The following MECOM variants were observed in gnomAD, a reference collection of about 807,000 sequenced individuals.
The protein encoded by MECOM is MDS1 and EVI1 complex locus.
Under a neutral mutation model 116.3 loss-of-function variants are expected in MECOM, and 13 were observed. The observed-to-expected ratio is 0.11, with a 90% CI of 0.07 to 0.18. MECOM has a LOEUF of 0.18. Among genes scored for constraint, MECOM ranks in the 10% least tolerant of loss-of-function variants. The pLI, the probability that MECOM is intolerant of heterozygous loss-of-function variation, is 1.00. For missense variants in MECOM, 1,299 were observed against 1,509.0 expected, an observed-to-expected ratio of 0.86 and a Z score of 2.31; for synonymous variants, 528 against 535.2, an observed-to-expected ratio of 0.99 and a Z score of 0.19.
chr3:169,497,950 T>C (rs1362054740), intron 1 of MECOM, among the ~76,000 whole-genome samples: 2 of 152,198 alleles, frequency 1.3e-5, no homozygotes, highest in Non-Finnish European at 2.9e-5. Flanking sequence ...AATGTGTGAA[T>C]CACATTGATA....
chr3:169,112,992 C>T (rs1192752511), intron 8 of MECOM, 118 bp from the exon 9 acceptor site: 5 of 680,806 alleles, frequency 7.3e-6, no homozygotes, highest in Non-Finnish European at 1.2e-5. Flanking sequence ...GGGAAGCGCA[C>T]TCATAAAACT....
intron 9 of MECOM, among the ~76,000 whole-genome samples, chr3:169,109,351 T>G (rs1726530157): frequency 6.6e-6 from 1 of 152,018 alleles, no homozygotes; most frequent in African/African-American, 2.4e-5. Flanking sequence ...CTTCAAGAAT[T>G]GAACTAAGAG....
Position 169,171,299 on chromosome 3 carries a change from A to G in MECOM, c.376-27467T>C, listed in dbSNP as rs554408738. Among the ~76,000 whole-genome samples, 7 of 152,294 alleles carry G rather than the reference A, an allele frequency of 4.6e-5. No homozygotes were observed. In the South Asian group the frequency reaches 8.3e-4, roughly 18 times the overall value. ...TGCTTTGGTTCTCATGAATAAACCT[A>G]TTAATAAGAACCAGTAACTCAAGGT... On this transcript the variant is annotated intron_variant, in intron 2 of 16. Transcript: ENST00000651503.
At chr3:169,441,249 C>T (rs943872671) in intron 1 of MECOM, among the ~76,000 whole-genome samples, 4 of 152,048 alleles carry the variant, frequency 2.6e-5, no homozygotes, top group Admixed American at 1.3e-4. Flanking sequence ...TCTAAAGCAG[C>T]GCAACCAAGA....
chr3:169,472,504 AAAGG>A (rs1560317519), intron 1 of MECOM, among the ~76,000 whole-genome samples: 6 of 90,352 alleles, frequency 6.6e-5, no homozygotes, highest in African/African-American at 2.0e-4. Context: ...AAAGGAAAGG[AAAGG>A]AAAGGAAAGG....
intron 1 of MECOM, among the ~76,000 whole-genome samples, chr3:169,514,394 G>A (rs1578314383): frequency 6.6e-6 from 1 of 152,164 alleles, no homozygotes; most frequent in East Asian, 1.9e-4. Flanking sequence ...ATGGTTGGGG[G>A]ACAGAGGGAG....
chr3:169,638,061 G>A (rs1426869094), intron 1 of MECOM, among the ~76,000 whole-genome samples: 1 of 152,130 alleles, frequency 6.6e-6, no homozygotes, highest in African/African-American at 2.4e-5. Flanking sequence ...ACACCTGAAG[G>A]ATGAAAAAAG....
chr3:169,288,715 T>G (rs1713873690), intron 2 of MECOM, among the ~76,000 whole-genome samples: 1 of 152,194 alleles, frequency 6.6e-6, no homozygotes, highest in African/African-American at 2.4e-5. Context: ...CCAAGTGCCC[T>G]TCCAGTAGTC....
intron 2 of MECOM, among the ~76,000 whole-genome samples, chr3:169,292,712 A>T (rs755630007): frequency 1.3e-5 from 2 of 152,202 alleles, no homozygotes; most frequent in Non-Finnish European, 2.9e-5. Flanking sequence ...TGGTGGTACC[A>T]TCTCTACCCA....
At chr3:169,476,020 C>T (rs1479275865) in intron 1 of MECOM, among the ~76,000 whole-genome samples, 1 of 152,086 alleles carries the variant, frequency 6.6e-6, no homozygotes, top group Non-Finnish European at 1.5e-5. Context: ...GCTTTGTTCT[C>T]CCTAATCTAA....
chr3:169,360,191 A>G (rs1412633487), intron 2 of MECOM, among the ~76,000 whole-genome samples: 1 of 150,914 alleles, frequency 6.6e-6, no homozygotes, highest in Non-Finnish European at 1.5e-5. Flanking sequence ...CATTTCCAGT[A>G]GCATATATTT....
intron 12 of MECOM, among the ~76,000 whole-genome samples, chr3:169,097,996 C>T (rs1270130807): frequency 6.6e-6 from 1 of 151,972 alleles, no homozygotes; most frequent in Non-Finnish European, 1.5e-5. Flanking sequence ...AGGAAGCAGA[C>T]AATTCATGTA....
chr3:169,138,665 G>A (rs188922170), intron 3 of MECOM, among the ~76,000 whole-genome samples: 5 of 152,072 alleles, frequency 3.3e-5, no homozygotes, highest in African/African-American at 9.6e-5. Context: ...CAAAAGAAGT[G>A]GTACAAAATG....
chr3:169,273,289 A>G (rs1434543206), intron 2 of MECOM, among the ~76,000 whole-genome samples: 1 of 152,184 alleles, frequency 6.6e-6, no homozygotes, highest in Non-Finnish European at 1.5e-5. Context: ...CATACTCAAA[A>G]TCACAGAGAT....
Position 169,107,967 on chromosome 3 carries a change from G to GAAAAA in MECOM, c.2578-16_2578-15insTTTTT. The GAAAAA allele has an allele frequency of 6.2e-7, 1 of 1,611,240 alleles. No individual in the cohort carries two copies. The highest frequency in any genetic ancestry group is 8.5e-7 in the Non-Finnish European group (1 of 1,178,338). The stretch of plus-strand genomic sequence containing the variant: ...GGCAGTTGGAACTGGGAGCAAAATT[G>GAAAAA]AAACAAAAACAAAAAATTACTTCTG... On this transcript the variant is annotated splice_polypyrimidine_tract_variant and intron_variant, in intron 9 of 16. Transcript: ENST00000651503.
intron 2 of MECOM, among the ~76,000 whole-genome samples, chr3:169,329,147 CT>C (rs1156559570): frequency 1.3e-5 from 2 of 152,070 alleles, no homozygotes; most frequent in African/African-American, 4.8e-5. Context: ...ACACATTTCT[CT>C]TTTTTAGCCT....
intron 2 of MECOM, among the ~76,000 whole-genome samples, chr3:169,378,324 CA>C (rs1731411827): frequency 7.7e-6 from 1 of 129,148 alleles, no homozygotes; most frequent in African/African-American, 2.9e-5. Context: ...AGTATAAGAC[CA>C]AAAAAGAAAG....
At chr3:169,323,131 G>A (rs1429389482) in intron 2 of MECOM, among the ~76,000 whole-genome samples, 1 of 150,618 alleles carries the variant, frequency 6.6e-6, no homozygotes, top group Non-Finnish European at 1.5e-5. Flanking sequence ...TTAGACCTTA[G>A]ACATGCAGAG....
chr3:169,195,139 G>A (rs1324437890), intron 2 of MECOM, among the ~76,000 whole-genome samples: 1 of 152,030 alleles, frequency 6.6e-6, no homozygotes, highest in East Asian at 1.9e-4. Flanking sequence ...TCACTTGCAA[G>A]AACCTTGTAA....
Sources: gnomAD v4.1 joint callset for allele counts (sites outside exome capture counted in the v4.1 genomes callset) on GRCh38, gnomAD v4.1.1 for gene constraint, MANE v1.5 for transcripts, NCBI Gene and HGNC (gene_info 2026-07-23, HGNC 2026-07-21) for gene names.